ADAMTS13: variants seen among roughly 807,000 people sequenced by gnomAD.
ADAMTS13 encodes the protein A disintegrin and metalloproteinase with thrombospondin motifs 13.
Under a neutral mutation model 155.1 loss-of-function variants are expected in ADAMTS13, and 110 were observed. The observed-to-expected ratio is 0.71, with a 90% confidence interval of 0.61 to 0.83. The LOEUF is 0.83. Among genes scored for constraint, ADAMTS13 ranks in the 40% least tolerant of loss-of-function variants. ADAMTS13 has a pLI of 0.00. For missense variants in ADAMTS13, 1,707 were observed against 1,891.7 expected, an observed-to-expected ratio of 0.90 and a Z score of 1.81; for synonymous variants, 758 against 756.4, an observed-to-expected ratio of 1.00 and a Z score of -0.03.
intron 28 of ADAMTS13, 98 bp downstream of exon 28, chr9:133,458,192 C>G: frequency 7.2e-7 from 1 of 1,383,394 alleles, no homozygotes; most frequent in Non-Finnish European, 9.9e-7. Context: ...CAGACTAAAA[C>G]CCTCAAAATC....
rs77526101 is a variant in ADAMTS13, at chr9:133,415,065, C to A, written n.287+421C>A. 2,731 of 1,482,344 alleles carry A rather than the reference C, an allele frequency of 1.8e-3. 53 individuals are homozygous for A. In the African/African-American group the frequency reaches 0.033, roughly 18 times the overall value. The allele number at this position is 1,482,344 out of a possible 1,614,324, so 91.8% of individuals were successfully genotyped here. On this transcript the variant is annotated intron_variant and non_coding_transcript_variant, in intron 1 of 17. Transcript: ENST00000485925. ...ATTTGAATTTGGAAATTACACACAG[C>A]AGATTGAAAAAACTTACGTGTGTAT...
At position 133,424,271 on chromosome 9, in the gene ADAMTS13, C is replaced by T; in HGVS notation, c.173-50C>T. ...CAGCCCCTTTCCTGTTAGCTTTCCA[C>T]TGCTTGCTCTCTAGAACCATCGCCC... On this transcript the variant is annotated intron_variant, in intron 2 of 28. Transcript: ENST00000355699. The surrounding 1 kb of genome is among the most constrained non-coding windows in gnomAD (Gnocchi z 4.3). The T allele has an allele frequency of 6.2e-7, 1 of 1,605,862 alleles. No individual in the cohort carries two copies. Among genetic ancestry groups the T allele is most frequent in the Non-Finnish European group, 8.5e-7 (1 of 1,179,674 alleles).
In ADAMTS13 at chr9:133,454,512, G is replaced by T; in HGVS notation, c.3142G>T (p.Val1048Leu). 8 of 1,612,080 alleles carry T rather than the reference G, an allele frequency of 5.0e-6. No individual in the cohort carries two copies. Among genetic ancestry groups the T allele is most frequent in the Non-Finnish European group, 6.8e-6 (8 of 1,179,998 alleles). The stretch of plus-strand genomic sequence containing the variant: ...TGTGCAGCTCGACCAAGGCCAGGAC[G>T]TGGAGGTGGACGAGGCGGCCTGTGC... Reference protein sequence around the residue: ...ACVQLDQGQDVEVDEAACAAL... With the variant: ...ACVQLDQGQDLEVDEAACAAL... The change falls in exon 24 of 29, where the codon GTG becomes TTG. Residue 1048 changes from valine to leucine, a missense_variant. Val to Leu is a conservative substitution (Grantham distance 32, BLOSUM62 1). Coordinates refer to ENST00000355699, the MANE Select transcript of ADAMTS13 (RefSeq NM_139027.6).
Position 133,442,473 on chromosome 9 carries a change from G to A in ADAMTS13, c.2043G>A (p.Lys681=). The change falls in exon 17 of 29, where the codon AAG becomes AAA. Residue 681 remains lysine (K), a synonymous_variant. Transcript: ENST00000355699. ...PDITFTYFQP[K]PRQAWVWAAV... ...TCACCTTCACCTACTTCCAGCCTAA[G>A]CCACGGCAGGCCTGGGTGTGGGCCG... 1 of 1,613,772 alleles carries A rather than the reference G, an allele frequency of 6.2e-7. No individual in the cohort carries two copies. The highest frequency in any genetic ancestry group is 8.5e-7 in the Non-Finnish European group (1 of 1,180,040).
chr9:133,428,432 G>A (rs903181044), intron 6 of ADAMTS13, among the ~76,000 whole-genome samples: 10 of 152,204 alleles, frequency 6.6e-5, no homozygotes, highest in Non-Finnish European at 1.3e-4. Context: ...CCTTCTGGGG[G>A]AAACTGAGGC....
intron 18 of ADAMTS13, among the ~76,000 whole-genome samples, chr9:133,443,169 C>A (rs1392159805): frequency 6.6e-6 from 1 of 152,192 alleles, no homozygotes; most frequent in Non-Finnish European, 1.5e-5. Context: ...CTGCTGGGTG[C>A]AGGACAGGGC....
intron 27 of ADAMTS13, among the ~76,000 whole-genome samples, chr9:133,457,634 G>A (rs587745954): frequency 7.9e-5 from 12 of 152,256 alleles, no homozygotes; most frequent in East Asian, 5.8e-4. Flanking sequence ...ACTCTTGCAC[G>A]TGTGACATCA....
Position 133,436,853 on chromosome 9 carries a change from T to G in ADAMTS13, c.1333T>G (p.Phe445Val), listed in dbSNP as rs781813768. The G allele has an allele frequency of 6.5e-7, 1 of 1,530,136 alleles. No homozygotes were observed. The highest frequency in any genetic ancestry group is 1.2e-5 in the South Asian group (1 of 86,656). The allele number at this position is 1,530,136 out of a possible 1,614,324, so 94.8% of individuals were successfully genotyped here. ...GGCCTGCGAGAAGACCCAGCTGGAG[T>G]TCATGTCGCAACAGTGCGCCAGGAC... is the stretch of plus-strand genomic sequence containing the variant. ...TQACEKTQLE[F>V]MSQQCARTDG... The change falls in exon 12 of 29, where the codon TTC (phenylalanine) becomes GTC (valine). Residue 445 changes from phenylalanine (F) to valine (V), a missense_variant. Physicochemically the swap from Phe to Val is conservative, Grantham distance 50. Coordinates refer to ENST00000355699, the MANE Select transcript of ADAMTS13 (RefSeq NM_139027.6).
At chr9:133,429,890 C>T in intron 7 of ADAMTS13, 49 bp from the exon 8 acceptor site, 1 of 1,534,038 alleles carries the variant, frequency 6.5e-7, no homozygotes, top group Non-Finnish European at 8.7e-7. Flanking sequence ...CGCCTCCTCC[C>T]GGTGTACACC....
At chr9:133,415,847 C>G (rs906948588) in intron 1 of ADAMTS13, 1 of 152,152 alleles carries the variant, frequency 6.6e-6, no homozygotes, top group East Asian at 1.9e-4. Flanking sequence ...GGGAATTTGA[C>G]TGGTCCTGTG....
At chr9:133,431,325 T>C (rs1840747053) in intron 8 of ADAMTS13, among the ~76,000 whole-genome samples, 1 of 139,248 alleles carries the variant, frequency 7.2e-6, no homozygotes, top group Non-Finnish European at 1.6e-5. Context: ...AAGTTCATTT[T>C]TTCATTTTTT....
At position 133,459,316 on chromosome 9, in the gene ADAMTS13, G is replaced by A. The variant is rs782411652; in HGVS notation, c.*136G>A. The A allele has an allele frequency of 1.1e-6, 1 of 932,104 alleles. No homozygotes were observed. The highest frequency in any genetic ancestry group is 1.4e-5 in the South Asian group (1 of 71,108). The allele number at this position is 932,104 out of a possible 1,614,324, so 57.7% of individuals were successfully genotyped here. A position where few individuals can be genotyped will look rare whatever the true frequency, so the allele number is the denominator to read the frequency against. ...TCTCCAATGTCCAAAAGGCTAGGGG[G>A]TTGGAGGTGGGGACTCTGGAAAAGC... On this transcript the variant is annotated 3_prime_UTR_variant, in exon 29 of 29. Transcript: ENST00000355699.
In ADAMTS13 at chr9:133,425,754, C is replaced by T; in HGVS notation, c.414+142C>T. 1.4e-6 allele frequency: 2 copies of T among 1,389,552 alleles called. No individual in the cohort carries two copies. The highest frequency in any genetic ancestry group is 2.9e-5 in the African/African-American group (2 of 69,996). The allele number at this position is 1,389,552 out of a possible 1,614,324, so 86.1% of individuals were successfully genotyped here. A position where few individuals can be genotyped will look rare whatever the true frequency, so the allele number is the denominator to read the frequency against. Reference sequence around the variant, plus strand: ...CATTCAGCCAGACAGACCAGCTGCCCTCCCAGCTCTACCCAGCACTCAGCA... The same window carrying T: ...CATTCAGCCAGACAGACCAGCTGCCTTCCCAGCTCTACCCAGCACTCAGCA... On this transcript the variant is annotated intron_variant, in intron 4 of 28. Transcript: ENST00000355699. This position sits in a 1 kb window ranked among gnomAD's most constrained non-coding sequence, Gnocchi z 4.6.
At chr9:133,458,422 G>A (rs1842870671) in intron 28 of ADAMTS13, among the ~76,000 whole-genome samples, 1 of 151,930 alleles carries the variant, frequency 6.6e-6, no homozygotes, top group African/African-American at 2.4e-5. Context: ...CAGGCATGGT[G>A]GCGTGTGCCT....
intron 21 of ADAMTS13, 133 bp from the exon 22 acceptor site, chr9:133,448,466 A>G: frequency 8.5e-7 from 1 of 1,182,328 alleles, no homozygotes; most frequent in Non-Finnish European, 1.2e-6. Flanking sequence ...CTGAGGTCAC[A>G]CAGCTGGTAA....
chr9:133,450,027 G>A (rs1842336870), intron 23 of ADAMTS13, 62 bp downstream of exon 23: 5 of 1,528,522 alleles, frequency 3.3e-6, no homozygotes, highest in Non-Finnish European at 3.5e-6. Flanking sequence ...GCCAGGCGCT[G>A]TGGTGTGTGC....
rs1841972661 is a variant in ADAMTS13, at chr9:133,445,162, CCTT to C, written c.2610+113_2610+115del. The C allele has an allele frequency of 7.8e-7, 1 of 1,278,128 alleles. No individual in the cohort carries two copies. The allele number at this position is 1,278,128 out of a possible 1,614,324, so 79.2% of individuals were successfully genotyped here. ...CTCCAGGCCAGAGCAAGAACACCAT[CCTT>C]CTGTGGGAATGCTGTCTGAGGGCCA... On this transcript the variant is annotated intron_variant, in intron 20 of 28. Transcript: ENST00000355699. This position sits in a 1 kb window ranked among gnomAD's most constrained non-coding sequence, Gnocchi z 5.0.
intron 13 of ADAMTS13, 66 bp from the exon 14 acceptor site, chr9:133,438,180 G>A: frequency 3.7e-6 from 6 of 1,612,948 alleles, no homozygotes; most frequent in East Asian, 2.2e-5. Context: ...GAGCTGGCAG[G>A]GCTGCAGAGT....
Position 133,438,323 on chromosome 9 carries a change from G to A in ADAMTS13, c.1662G>A (p.Thr554=), listed in dbSNP as rs781897271. 1.2e-5 allele frequency: 20 copies of A among 1,614,116 alleles called. No individual in the cohort carries two copies. In the South Asian group the frequency reaches 1.5e-4, roughly 12 times the overall value. ...AGGTGTGTGGTGGGGACAACAGCAC[G>A]TGCAGCCCACGGAAGGGCTCTTTCA... ...RCQVCGGDNS[T]CSPRKGSFTA... The change falls in exon 14 of 29, where the codon ACG becomes ACA. Residue 554 remains threonine (T), a synonymous_variant. Coordinates refer to ENST00000355699, the MANE Select transcript of ADAMTS13 (RefSeq NM_139027.6).
Sources: allele counts gnomAD v4.1 joint callset (sites outside exome capture counted in the v4.1 genomes callset), GRCh38; gene constraint gnomAD v4.1.1; non-coding constraint Gnocchi (gnomAD v3.1); transcripts MANE v1.5; gene names NCBI Gene and HGNC (gene_info 2026-07-23, HGNC 2026-07-21).